The following TEP1 variants were observed in gnomAD, a reference collection of about 807,000 sequenced individuals.
The protein encoded by TEP1 is telomerase associated protein 1.
A neutral mutation model predicts 306.3 loss-of-function variants in TEP1; 241 were observed. The ratio of observed to expected loss-of-function variants is 0.79; its 90% CI spans 0.71 to 0.88. The LOEUF (loss-of-function observed/expected upper bound fraction) is 0.88, where lower values mean the gene tolerates loss of function less well. TEP1 is among the 40% of genes least tolerant of loss of function. The probability of loss-of-function intolerance (pLI) is 0.00; values close to 1 mark genes in which losing one functional copy is unlikely to be tolerated. For synonymous variants in TEP1, 1,289 were observed against 1,305.5 expected (o/e 0.99, Z 0.27); for missense variants, 3,051 against 3,276.1 (o/e 0.93, Z 1.68).
chr14:20,383,878 T>C lies in TEP1; in HGVS notation c.3575A>G (p.Lys1192Arg). Residue 1192 changes from lysine to arginine, a missense_variant, in exon 25 of 55, where the codon AAG becomes AGG. Coordinates refer to ENST00000262715, the MANE Select transcript of TEP1 (RefSeq NM_007110.5). ...VSALQAPDGAKVASLVFFHFS... is the reference protein window; with the variant it reads ...VSALQAPDGARVASLVFFHFS... The stretch of plus-strand genomic sequence containing the variant: ...GTGGAAGAAGACTAATGATGCCACC[T>C]TGGCCCCATCAGGAGCCTGCAGGGC... 1 of 1,601,768 alleles carries C rather than the reference T, an allele frequency of 6.2e-7. No homozygotes were observed. The highest frequency in any genetic ancestry group is 8.5e-7 in the Non-Finnish European group (1 of 1,179,054).
Position 20,409,965 on chromosome 14 carries a change from T to C in TEP1, c.-24-1502A>G, listed in dbSNP as rs186684467. 6.1e-3 allele frequency among the ~76,000 whole-genome samples: 793 copies of C among 130,612 alleles called. 5 individuals are homozygous for C. The highest frequency in any genetic ancestry group is 9.1e-3 in the Non-Finnish European group (590 of 64,920). 85.7% of individuals were successfully genotyped at this position (130,612 alleles called of 152,430 possible). The stretch of plus-strand genomic sequence containing the variant: ...TGAACCAGGGAGGCGGAGCTTGCAG[T>C]GAGCCCAGATTGGCCACTGCACTCC... On this transcript the variant is annotated intron_variant, in intron 1 of 54. Coordinates refer to ENST00000262715, the MANE Select transcript of TEP1 (RefSeq NM_007110.5).
At chr14:20,390,031 A>C (rs1877558451) in intron 15 of TEP1, among the ~76,000 whole-genome samples, 1 of 152,196 alleles carries the variant, frequency 6.6e-6, no homozygotes, top group African/African-American at 2.4e-5. Context: ...ATTATTAAAC[A>C]TTAAATTGTA....
At position 20,383,172 on chromosome 14, in the gene TEP1, A is replaced by G. The variant is rs1876748435; in HGVS notation, c.4047+2T>C. Reference sequence around the variant, plus strand: ...CCCACCGGCCCCGGCCTAGAACCCAACCTGGTTGTTAAATGGTGACTCCTC... The same window carrying G: ...CCCACCGGCCCCGGCCTAGAACCCAGCCTGGTTGTTAAATGGTGACTCCTC... On this transcript the variant is annotated splice_donor_variant, in intron 27 of 54. Transcript: ENST00000262715. LOFTEE classifies it high-confidence loss of function. 6.3e-7 allele frequency: 1 copy of G among 1,594,034 alleles called. No individual in the cohort carries two copies. Among genetic ancestry groups the G allele is most frequent in the South Asian group, 1.1e-5 (1 of 88,052 alleles).
At chr14:20,410,160 G>A (rs1261589051) in intron 1 of TEP1, among the ~76,000 whole-genome samples, 1 of 150,064 alleles carries the variant, frequency 6.7e-6, no homozygotes, top group Non-Finnish European at 1.5e-5. Context: ...ATTATTATTT[G>A]TTATTATTAT....
rs1341232166 is a variant in TEP1 at position 20,386,081 on chromosome 14, GA to G, written c.2975del (p.Phe992SerfsTer13). On this transcript the variant is annotated frameshift_variant, in exon 20 of 55. Coordinates refer to ENST00000262715, the MANE Select transcript of TEP1 (RefSeq NM_007110.5). LOFTEE classifies it high-confidence loss of function. ...CCAAACCTGTCTGCCTTACCCAGTG[GA>G]AGTGTGGATGGTCAGGAAGGTTGTA... Reference protein sequence around the residue: ...PSYNLPDHPHFHWAQQYPSGR... With the variant: ...PSYNLPDHPHXHWAQQYPSGR... 1 of 1,609,188 alleles carries G rather than the reference GA, an allele frequency of 6.2e-7. No individual in the cohort carries two copies. The highest frequency in any genetic ancestry group is 1.1e-5 in the South Asian group (1 of 90,004).
In TEP1 at chr14:20,408,397, G is replaced by A. The variant is rs1381840055; in HGVS notation, c.43C>T (p.Leu15Phe). The change falls in exon 2 of 55, where the codon CTC becomes TTC. Residue 15 changes from leucine to phenylalanine, a missense_variant. By Grantham distance (22) the Leu-to-Phe change is conservative. Coordinates refer to ENST00000262715, the MANE Select transcript of TEP1 (RefSeq NM_007110.5). ...GCCAGGCACCGGTTCTCCAAGGAGA[G>A]GATGTCTGGATGGGCAGACACATGC... ...HGHVSAHPDILSLENRCLAML... is the reference protein window; with the variant it reads ...HGHVSAHPDIFSLENRCLAML... The A allele has an allele frequency of 6.2e-7, 1 of 1,614,050 alleles. No individual in the cohort carries two copies. The highest frequency in any genetic ancestry group is 1.1e-5 in the South Asian group (1 of 91,076).
In TEP1 at chr14:20,389,604, C is replaced by T. The variant is rs1326274741; in HGVS notation, c.2465+6G>A. The T allele has an allele frequency of 1.2e-6, 2 of 1,613,764 alleles. No homozygotes were observed. The highest frequency in any genetic ancestry group is 2.7e-5 in the African/African-American group (2 of 74,914). ...GACACTGGGCAGGAAGTATAAGCAC[C>T]CTTACAGGTATTGTACCCTTCTTAG... On this transcript the variant is annotated splice_donor_region_variant and intron_variant, in intron 16 of 54. Transcript: ENST00000262715.
Position 20,386,178 on chromosome 14 carries a change from A to G in TEP1, c.2879T>C (p.Leu960Pro), listed in dbSNP as rs998973929. ...TRRNRQLEVC[L>P]GEVENAQLFV... ...CAGCTGTGCGTTCTCCACCTCCCCA[A>G]GGCACACTTCCAGTTGTCTGTAGGC... Residue 960 changes from leucine to proline, a missense_variant, in exon 20 of 55, where the codon CTT (leucine) becomes CCT (proline). Around this residue, in one of 3 missense-constraint regions of TEP1, gnomAD observed 1,507 missense variants for 1,550.5 expected, o/e 0.97. Coordinates refer to ENST00000262715, the MANE Select transcript of TEP1 (RefSeq NM_007110.5). 6.2e-7 allele frequency: 1 copy of G among 1,613,914 alleles called. No homozygotes were observed. Among genetic ancestry groups the G allele is most frequent in the Non-Finnish European group, 8.5e-7 (1 of 1,179,938 alleles).
At chr14:20,401,372 G>A (rs1878724562) in intron 8 of TEP1, 85 bp downstream of exon 8, 4 of 1,565,138 alleles carry the variant, frequency 2.6e-6, no homozygotes, top group East Asian at 4.5e-5. Context: ...TGCTGGGTTT[G>A]AGAACTACTG....
At chr14:20,375,704 T>C (rs771853755) in intron 43 of TEP1, 51 bp downstream of exon 43, 2 of 1,251,200 alleles carry the variant, frequency 1.6e-6, no homozygotes, top group South Asian at 2.4e-5. Context: ...GAGTGTTGTC[T>C]TGCCCCAGGA....
At chr14:20,376,001 G>A (rs906286373) in intron 42 of TEP1, 103 bp downstream of exon 42, 1 of 1,519,144 alleles carries the variant, frequency 6.6e-7, no homozygotes, top group Non-Finnish European at 9.0e-7. Context: ...TACTAGATTT[G>A]GCAAAACAAA....
rs376834454 is a variant in TEP1 at position 20,371,367 on chromosome 14, A to C, written c.7221-53T>G. On this transcript the variant is annotated intron_variant, in intron 50 of 54. Coordinates refer to ENST00000262715, the MANE Select transcript of TEP1 (RefSeq NM_007110.5). ...GCTCAGGATTTAAAGAGAGGTAAAGAGAAGAACACCTCTCTTTAAGACTCC... is the reference window on the plus strand; with the variant it reads ...GCTCAGGATTTAAAGAGAGGTAAAGCGAAGAACACCTCTCTTTAAGACTCC... 166 of 1,594,676 alleles carry C rather than the reference A, an allele frequency of 1.0e-4. 3 individuals carry two copies. The East Asian group carries it at 3.5e-3, about 33-fold the overall frequency.
intron 49 of TEP1, 108 bp downstream of exon 49, chr14:20,372,625 T>TA (rs1203919357): frequency 2.0e-6 from 3 of 1,517,114 alleles, no homozygotes; most frequent in Non-Finnish European, 2.7e-6. Context: ...ACTCAGTAAC[T>TA]AACATCCAAT....
rs1877535816 is a variant in TEP1, at chr14:20,389,732, C to T, written c.2343G>A (p.Arg781=). ...SLAGQRVPVD[R]VILLGQSMDD... ...CCATGCTTTGGCCAAGGAGGATGAC[C>T]CTGTCCACCTGTAAGATGAAAAGGG... Residue 781 remains arginine, a synonymous_variant, in exon 16 of 55, where the codon AGG becomes AGA. Coordinates refer to ENST00000262715, the MANE Select transcript of TEP1 (RefSeq NM_007110.5). 6.2e-7 allele frequency: 1 copy of T among 1,613,900 alleles called. No homozygotes were observed. Among genetic ancestry groups the T allele is most frequent in the African/African-American group, 1.3e-5 (1 of 74,912 alleles).
rs759991930 is a variant in TEP1, at chr14:20,381,296, G to A, written c.4647+17C>T. The stretch of plus-strand genomic sequence containing the variant: ...CACTCACTTTGGGAAAGGTGTCTAT[G>A]GGGTCTAGGAACTAACCAGGTGGTA... On this transcript the variant is annotated intron_variant, in intron 32 of 54. Transcript: ENST00000262715. This position sits in a 1 kb window ranked among gnomAD's most constrained non-coding sequence, Gnocchi z 4.0. 7.4e-6 allele frequency: 12 copies of A among 1,613,160 alleles called. No individual in the cohort carries two copies. Among genetic ancestry groups the A allele is most frequent in the Middle Eastern group, 3.3e-4 (2 of 6,084 alleles).
rs1407662618 is a variant in TEP1, at chr14:20,383,340, A to G, written c.3881T>C (p.Val1294Ala). 8 of 1,606,994 alleles carry G rather than the reference A, an allele frequency of 5.0e-6. No individual in the cohort carries two copies. The highest frequency in any genetic ancestry group is 6.8e-6 in the Non-Finnish European group (8 of 1,176,448). The change falls in exon 27 of 55, where the codon GTG (valine) becomes GCG (alanine). Residue 1294 changes from valine to alanine, a missense_variant. Transcript: ENST00000262715. ...GCCTGCATCACTAGACACACTCAGC[A>G]CCAGGTGTACACACTGTGATATTTG... ...PKKLPRCVHL[V>A]LSVSSDAGLG...
At chr14:20,373,470 C>T (rs1245373780) in intron 46 of TEP1, 37 bp downstream of exon 46, 2 of 1,613,986 alleles carry the variant, frequency 1.2e-6, no homozygotes, top group African/African-American at 1.3e-5. Flanking sequence ...GCATACCTTC[C>T]CCACCTCCCT....
chr14:20,384,798 T>A (rs1245439516), intron 21 of TEP1, 85 bp from the exon 22 acceptor site: 4 of 1,491,152 alleles, frequency 2.7e-6, no homozygotes, highest in Non-Finnish European at 3.7e-6. Context: ...AGCTGTAATT[T>A]CCTGAAGCTC....
intron 4 of TEP1, 127 bp from the exon 5 acceptor site, chr14:20,404,899 T>C (rs1450769534): frequency 3.5e-6 from 4 of 1,142,818 alleles, no homozygotes; most frequent in Non-Finnish European, 4.8e-6. Flanking sequence ...GTCCACAAAA[T>C]ACGAAGCCCA....
Sources: allele counts gnomAD v4.1 joint callset (sites outside exome capture counted in the v4.1 genomes callset), GRCh38; gene constraint gnomAD v4.1.1; regional missense constraint gnomAD v4.1.1; non-coding constraint Gnocchi (gnomAD v3.1); transcripts MANE v1.5; gene names NCBI Gene and HGNC (gene_info 2026-07-23, HGNC 2026-07-21).